HNF4G: variants seen among roughly 807,000 people sequenced by gnomAD.
The protein encoded by HNF4G is hepatocyte nuclear factor 4-gamma.
A neutral mutation model predicts 50.9 loss-of-function variants in HNF4G; 21 were observed. The ratio of observed to expected loss-of-function variants is 0.41; its 90% CI spans 0.29 to 0.59. The LOEUF (loss-of-function observed/expected upper bound fraction) is 0.59, where lower values mean the gene tolerates loss of function less well. HNF4G is among the 20% of genes least tolerant of loss of function. The pLI is 0.26. For synonymous variants in HNF4G, 198 were observed against 185.6 expected, an observed-to-expected ratio of 1.07 and a Z score of -0.54; for missense variants, 527 against 559.4, an observed-to-expected ratio of 0.94 and a Z score of 0.58.
chr8:75,436,541 C>T (rs925817063), intron 1 of HNF4G, among the ~76,000 whole-genome samples: 1 of 151,948 alleles, frequency 6.6e-6, no homozygotes, highest in Non-Finnish European at 1.5e-5. Flanking sequence ...GGTAGTTGCC[C>T]GAACAAAAGA....
intron 1 of HNF4G, among the ~76,000 whole-genome samples, chr8:75,416,595 T>C (rs1482244349): frequency 2.0e-5 from 3 of 152,122 alleles, no homozygotes. Context: ...ATAGTAATTA[T>C]GTTTAATATG....
upstream of HNF4G, among the ~76,000 whole-genome samples, chr8:75,537,430 G>A (rs2943544): frequency 6.6e-6 from 1 of 151,900 alleles, no homozygotes; most frequent in Non-Finnish European, 1.5e-5. Flanking sequence ...ATTTTTAGTA[G>A]AGATAGCGTT....
intron 2 of HNF4G, among the ~76,000 whole-genome samples, chr8:75,521,766 T>A (rs946461677): frequency 2.0e-5 from 3 of 152,180 alleles, no homozygotes; most frequent in Admixed American, 1.3e-4. Flanking sequence ...ACATTAAAAA[T>A]ATAATCCTTA....
intron 1 of HNF4G, 24 bp from the exon 2 acceptor site, chr8:75,543,787 G>T (rs1180536409): frequency 6.3e-7 from 1 of 1,596,092 alleles, no homozygotes; most frequent in Non-Finnish European, 8.6e-7. Context: ...AACTCTAACT[G>T]TAATCTTCCT....
intron 1 of HNF4G, among the ~76,000 whole-genome samples, chr8:75,414,341 T>C (rs940333456): frequency 3.3e-5 from 5 of 151,998 alleles, no homozygotes; most frequent in African/African-American, 1.2e-4. Flanking sequence ...CATCAGGAGT[T>C]TATTCCTTTG....
intron 1 of HNF4G, among the ~76,000 whole-genome samples, chr8:75,417,947 ATG>A (rs1056468131): frequency 5.4e-5 from 8 of 147,888 alleles, no homozygotes; most frequent in African/African-American, 2.0e-4. Context: ...TTAATTATAA[ATG>A]TGTGTGTGTC....
intron 5 of HNF4G, among the ~76,000 whole-genome samples, chr8:75,553,500 T>C (rs1158378110): frequency 6.6e-6 from 1 of 152,092 alleles, no homozygotes; most frequent in Non-Finnish European, 1.5e-5. Flanking sequence ...AGCATGTAAC[T>C]ATCATTGTGA....
chr8:75,438,827 G>T (rs1811203613), intron 1 of HNF4G, among the ~76,000 whole-genome samples: 1 of 151,992 alleles, frequency 6.6e-6, no homozygotes, highest in Non-Finnish European at 1.5e-5. Context: ...TTTTCATAAA[G>T]ATTAGCAGAT....
chr8:75,448,519 A>G (rs546999678), intron 1 of HNF4G, among the ~76,000 whole-genome samples: 1 of 151,116 alleles, frequency 6.6e-6, no homozygotes, highest in East Asian at 1.9e-4. Flanking sequence ...CCTTAAAAAA[A>G]AAAAGAAAAC....
At chr8:75,453,838 T>G (rs1384964163) in intron 1 of HNF4G, among the ~76,000 whole-genome samples, 4 of 152,160 alleles carry the variant, frequency 2.6e-5, no homozygotes, top group Non-Finnish European at 5.9e-5. Flanking sequence ...CACACAAGGT[T>G]GGTGTAATGG....
chr8:75,527,687 G>A (rs1806220221), intron 2 of HNF4G, among the ~76,000 whole-genome samples: 2 of 152,120 alleles, frequency 1.3e-5, no homozygotes, highest in South Asian at 4.1e-4. Flanking sequence ...AAATAATTTT[G>A]TTTAATATTT....
intron 2 of HNF4G, among the ~76,000 whole-genome samples, chr8:75,524,020 T>C (rs1280073443): frequency 8.1e-6 from 1 of 122,728 alleles, no homozygotes; most frequent in Non-Finnish European, 1.8e-5. Flanking sequence ...AGTATACTTA[T>C]ATACTTATTA....
At chr8:75,544,488 T>G (rs2130789834) in intron 2 of HNF4G, among the ~76,000 whole-genome samples, 1 of 152,340 alleles carries the variant, frequency 6.6e-6, no homozygotes, top group African/African-American at 2.4e-5. Flanking sequence ...CAGATGATTT[T>G]GGTAGTTTGT....
At chr8:75,472,772 T>A (rs921022770) in intron 1 of HNF4G, among the ~76,000 whole-genome samples, 1 of 152,166 alleles carries the variant, frequency 6.6e-6, no homozygotes, top group Non-Finnish European at 1.5e-5. Context: ...GCAAACTTTA[T>A]GAGGGCAGGA....
At chr8:75,490,523 ATT>A (rs1812602038) in intron 2 of HNF4G, among the ~76,000 whole-genome samples, 1 of 152,210 alleles carries the variant, frequency 6.6e-6, no homozygotes, top group Admixed American at 6.5e-5. Flanking sequence ...TAATTAGCAT[ATT>A]CTCAAATTAG....
Position 75,556,002 on chromosome 8 carries a change from C to G in HNF4G, c.666C>G (p.His222Gln), listed in dbSNP as rs778422786. ...TTAAGGTGGCACTGTTGAGAGCTCA[C>G]GCAGGGGAGCACTTACTGCTTGGAG... Reference protein sequence around the residue: ...LDDQVALLRAHAGEHLLLGAT... With the variant: ...LDDQVALLRAQAGEHLLLGAT... Residue 222 changes from histidine (H) to glutamine (Q), a missense_variant, in exon 6 of 10, where the codon CAC becomes CAG. Physicochemically the swap from His to Gln is conservative, Grantham distance 24. Transcript: ENST00000396423. 6.3e-7 allele frequency: 1 copy of G among 1,576,172 alleles called. No homozygotes were observed. The highest frequency in any genetic ancestry group is 8.6e-7 in the Non-Finnish European group (1 of 1,159,370).
At chr8:75,440,991 A>T (rs914532926) in intron 1 of HNF4G, among the ~76,000 whole-genome samples, 6 of 152,132 alleles carry the variant, frequency 3.9e-5, no homozygotes, top group Non-Finnish European at 7.3e-5. Flanking sequence ...AGTAGCTGGG[A>T]TTACAGGCAG....
chr8:75,518,629 C>T (rs115733481), intron 2 of HNF4G, among the ~76,000 whole-genome samples: 1,635 of 152,288 alleles, frequency 0.011, 22 homozygotes, highest in African/African-American at 0.037. Flanking sequence ...CTTGCACACT[C>T]TGAGTCAATG....
chr8:75,494,458 T>C (rs1271277183), intron 2 of HNF4G, among the ~76,000 whole-genome samples: 1 of 151,692 alleles, frequency 6.6e-6, no homozygotes, highest in Non-Finnish European at 1.5e-5. Flanking sequence ...TAAGGTCTTT[T>C]ATTACAGTTG....
Sources: gnomAD v4.1 joint callset for allele counts (sites outside exome capture counted in the v4.1 genomes callset) on GRCh38, gnomAD v4.1.1 for gene constraint, MANE v1.5 for transcripts, NCBI Gene and HGNC (gene_info 2026-07-23, HGNC 2026-07-21) for gene names.